The following ASCC3 variants were observed in gnomAD, a reference collection of about 807,000 sequenced individuals.
ASCC3 encodes ASC-1 complex subunit P200.
Under a neutral mutation model 256.3 loss-of-function variants are expected in ASCC3, and 158 were observed. The ratio of observed to expected loss-of-function variants is 0.62; its 90% CI spans 0.54 to 0.70. The LOEUF (loss-of-function observed/expected upper bound fraction) is 0.70, where lower values mean the gene tolerates loss of function less well. Ranked by LOEUF, ASCC3 falls within the 30% of genes least tolerant of loss-of-function variation. The pLI is 0.00. For synonymous variants in ASCC3, 948 were observed against 883.4 expected (o/e 1.07, Z -1.30); for missense variants, 2,259 against 2,626.0 (o/e 0.86, Z 3.05).
intron 4 of ASCC3, among the ~76,000 whole-genome samples, chr6:100,841,637 T>C (rs1772147538): frequency 6.6e-6 from 1 of 151,998 alleles, no homozygotes; most frequent in Non-Finnish European, 1.5e-5. Context: ...CCAAATTGTG[T>C]TGATAATGGA....
chr6:100,856,530 AAAG>A, intron 3 of ASCC3: 1 of 673,398 alleles, frequency 1.5e-6, no homozygotes, highest in South Asian at 6.7e-5. Context: ...CATACAGTTC[AAAG>A]AATTATCAAA....
chr6:100,534,568 T>C (rs1444263369), intron 37 of ASCC3, among the ~76,000 whole-genome samples: 2 of 152,190 alleles, frequency 1.3e-5, no homozygotes, highest in African/African-American at 2.4e-5. Flanking sequence ...TCCATAAATA[T>C]GCAATTTACA....
In ASCC3 at chr6:100,540,253, T is replaced by C; in HGVS notation, c.5685A>G (p.Leu1895=). 7 of 1,614,126 alleles carry C rather than the reference T, an allele frequency of 4.3e-6. No homozygotes were observed. The highest frequency in any genetic ancestry group is 1.3e-5 in the African/African-American group (1 of 75,036). Residue 1895 remains leucine, a synonymous_variant, in exon 37 of 42, where the codon CTA becomes CTG. Transcript: ENST00000369162. ...DSPHTKAHLL[L]QAHLSRAMLP... is the part of the protein sequence containing the mutation. ...GCATGGCTCGGCTGAGATGTGCCTG[T>C]AGCAGGAGATGTGCTTTGGTGTGAG...
intron 10 of ASCC3, among the ~76,000 whole-genome samples, chr6:100,743,591 T>A (rs1203496696): frequency 6.6e-6 from 1 of 152,168 alleles, no homozygotes; most frequent in East Asian, 1.9e-4. Context: ...GCAGAGTGGG[T>A]GGTCCTATTA....
intron 13 of ASCC3, among the ~76,000 whole-genome samples, chr6:100,692,425 ATATGAT>A (rs1364566958): frequency 1.3e-5 from 2 of 152,050 alleles, no homozygotes; most frequent in Non-Finnish European, 2.9e-5. Flanking sequence ...ATATGGTTTA[ATATGAT>A]TATATTTTCA....
intron 5 of ASCC3, 135 bp from the exon 6 acceptor site, chr6:100,800,639 TTA>T: frequency 1.4e-6 from 1 of 707,776 alleles, no homozygotes; most frequent in Non-Finnish European, 2.3e-6. Flanking sequence ...GCAAATTCAA[TTA>T]TATGTTTTAA....
At chr6:100,561,429 A>G (rs1769945746) in intron 36 of ASCC3, among the ~76,000 whole-genome samples, 1 of 152,114 alleles carries the variant, frequency 6.6e-6, no homozygotes. Flanking sequence ...TTAAATAACT[A>G]TCACATCATA....
chr6:100,710,842 T>A (rs2115013921), intron 13 of ASCC3, among the ~76,000 whole-genome samples: 1 of 152,162 alleles, frequency 6.6e-6, no homozygotes, highest in South Asian at 2.1e-4. Flanking sequence ...AAAGCTAGAG[T>A]CATATAACAA....
chr6:100,691,541 C>T (rs1235905781), intron 13 of ASCC3, among the ~76,000 whole-genome samples: 1 of 151,744 alleles, frequency 6.6e-6, no homozygotes, highest in Non-Finnish European at 1.5e-5. Context: ...TAACTTAATA[C>T]TATAATGCTA....
intron 30 of ASCC3, among the ~76,000 whole-genome samples, chr6:100,622,717 A>G (rs1231965428): frequency 1.3e-5 from 2 of 151,868 alleles, no homozygotes; most frequent in Non-Finnish European, 1.5e-5. Context: ...TATTCTAGGT[A>G]TCCTATTTTA....
intron 5 of ASCC3, 40 bp from the exon 6 acceptor site, chr6:100,800,544 T>C: frequency 4.2e-6 from 6 of 1,426,030 alleles, no homozygotes; most frequent in Non-Finnish European, 5.8e-6. Flanking sequence ...TTTATAAATC[T>C]GAATATGATT....
chr6:100,602,188 C>T (rs1772653378), intron 33 of ASCC3, among the ~76,000 whole-genome samples: 1 of 151,896 alleles, frequency 6.6e-6, no homozygotes, highest in African/African-American at 2.4e-5. Flanking sequence ...CTCAGGTGAA[C>T]CCGTATTATT....
At chr6:100,742,500 C>A (rs1325828403) in intron 10 of ASCC3, among the ~76,000 whole-genome samples, 1 of 152,212 alleles carries the variant, frequency 6.6e-6, no homozygotes, top group East Asian at 1.9e-4. Context: ...GAAATGGCAG[C>A]TGCCCCTAAC....
intron 36 of ASCC3, among the ~76,000 whole-genome samples, chr6:100,548,625 T>C (rs1219263102): frequency 6.6e-6 from 1 of 151,830 alleles, no homozygotes; most frequent in African/African-American, 2.4e-5. Context: ...TGGTGACAAG[T>C]GCTATGAGGA....
chr6:100,634,864 C>CAAAAAAAAAAAAAAAAA (rs199632200), intron 25 of ASCC3, among the ~76,000 whole-genome samples: 4 of 119,336 alleles, frequency 3.4e-5, no homozygotes, highest in Admixed American at 8.3e-5. Flanking sequence ...CCTCAAAAAA[C>CAAAAAAAAAAAAAAAAA]AAAAAAAAAA....
chr6:100,750,383 TG>T (rs1197446316), intron 10 of ASCC3, among the ~76,000 whole-genome samples: 1 of 152,058 alleles, frequency 6.6e-6, no homozygotes, highest in Non-Finnish European at 1.5e-5. Flanking sequence ...AGAAGAAATC[TG>T]ATGTGTCTGA....
intron 22 of ASCC3, among the ~76,000 whole-genome samples, chr6:100,646,231 A>C (rs964804939): frequency 5.3e-5 from 8 of 152,140 alleles, no homozygotes; most frequent in Admixed American, 4.6e-4. Context: ...TTTTGAAGGA[A>C]TCTCACTCGT....
At chr6:100,684,875 C>T (rs1487741872) in intron 13 of ASCC3, among the ~76,000 whole-genome samples, 2 of 144,908 alleles carry the variant, frequency 1.4e-5, no homozygotes, top group African/African-American at 5.2e-5. Context: ...GGCGCGATCT[C>T]GGCTCACTGC....
Position 100,560,748 on chromosome 6 carries a change from AACACACACACAC to A in ASCC3, c.5551-20373_5551-20362del, listed in dbSNP as rs747539213. ...AGTCAAACCCCAAACATCTTAGAGG[AACACACACACAC>A]ACACACACACACACACACACACACA... On this transcript the variant is annotated intron_variant, in intron 36 of 41. Coordinates refer to ENST00000369162, the MANE Select transcript of ASCC3 (RefSeq NM_006828.4). 8.8e-3 allele frequency among the ~76,000 whole-genome samples: 1,181 copies of A among 133,946 alleles called. 11 individuals are homozygous for A. The highest frequency in any genetic ancestry group is 0.031 in the African/African-American group (1,119 of 35,932). The allele number at this position is 133,946 out of a possible 152,430, so 87.9% of individuals were successfully genotyped here.
Sources: allele counts gnomAD v4.1 joint callset (sites outside exome capture counted in the v4.1 genomes callset), GRCh38; gene constraint gnomAD v4.1.1; transcripts MANE v1.5; gene names NCBI Gene and HGNC (gene_info 2026-07-23, HGNC 2026-07-21).